Variants in NCKAP1L observed in about 807,000 individuals in gnomAD.
The protein encoded by NCKAP1L is NCK associated protein 1 like.
A neutral mutation model predicts 139.2 loss-of-function variants in NCKAP1L; 53 were observed. The ratio of observed to expected loss-of-function variants is 0.38; its 90% confidence interval spans 0.31 to 0.48. The LOEUF is 0.48. Ranked by LOEUF, NCKAP1L falls within the 20% of genes least tolerant of loss-of-function variation. The pLI is 0.98. For missense variants in NCKAP1L, 1,151 were observed against 1,381.9 expected, an observed-to-expected ratio of 0.83 and a Z score of 2.65; for synonymous variants, 468 against 499.7, an observed-to-expected ratio of 0.94 and a Z score of 0.85.
rs559012273 is a variant in NCKAP1L, at chr12:54,526,585, T to A, written c.2214T>A (p.Ser738=). The part of the protein sequence containing the change: ...NATTQEIVRP[S]ELLAGVKAYI... ...CGACCCAGGAGATCGTACGGCCTTC[T>A]GAGCTGTTGGCAGGAGTCAAAGCAT... The change falls in exon 21 of 31, where the codon TCT becomes TCA. Residue 738 remains serine (S), a synonymous_variant. Coordinates refer to ENST00000293373, the MANE Select transcript of NCKAP1L (RefSeq NM_005337.5). 2 of 1,614,168 alleles carry A rather than the reference T, an allele frequency of 1.2e-6. No homozygotes were observed. Among genetic ancestry groups the A allele is most frequent in the African/African-American group, 2.7e-5 (2 of 75,036 alleles).
chr12:54,508,605 G>C (rs1243798226), intron 5 of NCKAP1L, 74 bp downstream of exon 5: 41 of 1,430,996 alleles, frequency 2.9e-5, no homozygotes, highest in Non-Finnish European at 3.8e-5. Flanking sequence ...CTCATGCAAA[G>C]GAAATTGATG....
At chr12:54,540,206 C>T (rs923038896) in intron 30 of NCKAP1L, among the ~76,000 whole-genome samples, 4 of 152,292 alleles carry the variant, frequency 2.6e-5, no homozygotes, top group East Asian at 1.9e-4. Context: ...TATTCTTGTC[C>T]GAGGCCCAGA....
chr12:54,512,426 C>G (rs928370185), intron 9 of NCKAP1L: 5 of 236,860 alleles, frequency 2.1e-5, no homozygotes, highest in African/African-American at 1.1e-4. Flanking sequence ...ATTTCCTCAT[C>G]TATAAAATGT....
chr12:54,519,875 A>AT (rs79806874), intron 16 of NCKAP1L, among the ~76,000 whole-genome samples: 3,266 of 137,406 alleles, frequency 0.024, 78 homozygotes, highest in African/African-American at 0.063. Context: ...ACGTCTTCAG[A>AT]TTTTTTTTTT....
At chr12:54,502,405 T>C (rs1956805279) in intron 3 of NCKAP1L, among the ~76,000 whole-genome samples, 1 of 152,230 alleles carries the variant, frequency 6.6e-6, no homozygotes, top group Non-Finnish European at 1.5e-5. Context: ...CACAATATTT[T>C]ATACAAACCT....
Position 54,545,003 on chromosome 12 carries a change from A to G in NCKAP1L, c.*2318A>G, listed in dbSNP as rs1307968815. ...ACAGAGCGAGACTCTGTCTCAAAAA[A>G]TAAATAATAATTTAAAAAAAGATAC... On this transcript the variant is annotated 3_prime_UTR_variant, in exon 31 of 31. Coordinates refer to ENST00000293373, the MANE Select transcript of NCKAP1L (RefSeq NM_005337.5). The G allele has an allele frequency of 1.3e-5, 2 of 152,188 alleles. No homozygotes were observed. Among genetic ancestry groups the G allele is most frequent in the Non-Finnish European group, 2.9e-5 (2 of 68,048 alleles). 9.4% of individuals were successfully genotyped at this position (152,188 alleles called of 1,614,324 possible).
At position 54,541,397 on chromosome 12, in the gene NCKAP1L, C is replaced by T. The variant is rs569535167; in HGVS notation, c.3274-1178C>T. 8.5e-5 allele frequency among the ~76,000 whole-genome samples: 13 copies of T among 152,312 alleles called. No individual in the cohort carries two copies. In the South Asian group the frequency reaches 2.1e-3, roughly 24 times the overall value. On this transcript the variant is annotated intron_variant, in intron 30 of 30. Transcript: ENST00000293373. ...TTTATGGAGAATAGAAAGTCTTGGG[C>T]CAGTGGATTTGCTTGAAGTCATTAT...
chr12:54,521,073 C>T (rs568726624), intron 17 of NCKAP1L, 46 bp from the exon 18 acceptor site: 2 of 1,610,882 alleles, frequency 1.2e-6, no homozygotes, highest in South Asian at 2.2e-5. Context: ...GAAGAAGTGG[C>T]CGTGCTGGTG....
At position 54,523,424 on chromosome 12, in the gene NCKAP1L, A is replaced by C; in HGVS notation, c.1909A>C (p.Ser637Arg). 1.2e-6 allele frequency: 2 copies of C among 1,614,168 alleles called. No homozygotes were observed. Among genetic ancestry groups the C allele is most frequent in the Non-Finnish European group, 8.5e-7 (1 of 1,180,020 alleles). Residue 637 changes from serine (S) to arginine (R), a missense_variant, in exon 19 of 31, where the codon AGC becomes CGC. Physicochemically the swap from Ser to Arg is moderately radical, Grantham distance 110. Coordinates refer to ENST00000293373, the MANE Select transcript of NCKAP1L (RefSeq NM_005337.5). ...LLPKHCATTI[S>R]KAKNKKTRKQ... ...ACCTAAGCACTGTGCCACTACAATC[A>C]GCAAAGCCAAGAACAAGAAAACCAG... is the stretch of plus-strand genomic sequence containing the variant.
intron 25 of NCKAP1L, 80 bp downstream of exon 25, chr12:54,531,905 T>A: frequency 8.1e-7 from 1 of 1,231,946 alleles, no homozygotes; most frequent in Non-Finnish European, 1.2e-6. Flanking sequence ...TGTGGAAGTA[T>A]TGCGGGAATC....
rs1441221853 is a variant in NCKAP1L, at chr12:54,543,198, G to A, written c.*513G>A. 3 of 152,260 alleles carry A rather than the reference G, an allele frequency of 2.0e-5. No individual in the cohort carries two copies. The highest frequency in any genetic ancestry group is 4.4e-5 in the Non-Finnish European group (3 of 68,150). 9.4% of individuals were successfully genotyped at this position (152,260 alleles called of 1,614,324 possible). ...AATGTGTTCAGCAAACATTCAACCT[G>A]CTCCTACTGCAGAGTAGCAGCAAAG... On this transcript the variant is annotated 3_prime_UTR_variant, in exon 31 of 31. Coordinates refer to ENST00000293373, the MANE Select transcript of NCKAP1L (RefSeq NM_005337.5).
chr12:54,516,873 C>T (rs1956935785), intron 10 of NCKAP1L, 23 bp from the exon 11 acceptor site: 3 of 1,604,078 alleles, frequency 1.9e-6, no homozygotes, highest in Non-Finnish European at 8.5e-7. Context: ...AGGTGATAGT[C>T]ATGTTCCCCT....
intron 7 of NCKAP1L, among the ~76,000 whole-genome samples, chr12:54,511,085 G>A (rs963087505): frequency 1.3e-5 from 2 of 152,206 alleles, no homozygotes; most frequent in African/African-American, 4.8e-5. Flanking sequence ...TACATGATTA[G>A]TGATAAGTGC....
At chr12:54,504,847 A>G (rs974782208) in intron 3 of NCKAP1L, among the ~76,000 whole-genome samples, 1 of 152,218 alleles carries the variant, frequency 6.6e-6, no homozygotes, top group Non-Finnish European at 1.5e-5. Flanking sequence ...TAGTAAGGCA[A>G]TAGACCAACA....
At chr12:54,541,431 C>T (rs1180077077) in intron 30 of NCKAP1L, among the ~76,000 whole-genome samples, 1 of 152,178 alleles carries the variant, frequency 6.6e-6, no homozygotes, top group Non-Finnish European at 1.5e-5. Flanking sequence ...ATTCATTTCC[C>T]TGTACCTGAG....
chr12:54,531,882 T>C, intron 25 of NCKAP1L, 57 bp downstream of exon 25: 2 of 1,383,532 alleles, frequency 1.4e-6, no homozygotes, highest in African/African-American at 2.9e-5. Context: ...TGGGTAGGGT[T>C]TGTATGATAA....
In NCKAP1L at chr12:54,544,021, G is replaced by A. The variant is rs192881310; in HGVS notation, c.*1336G>A. 2.0e-5 allele frequency: 3 copies of A among 152,290 alleles called. No individual in the cohort carries two copies. The highest frequency in any genetic ancestry group is 3.9e-4 in the East Asian group (2 of 5,186). The allele number at this position is 152,290 out of a possible 1,614,324, so 9.4% of individuals were successfully genotyped here. On this transcript the variant is annotated 3_prime_UTR_variant, in exon 31 of 31. Coordinates refer to ENST00000293373, the MANE Select transcript of NCKAP1L (RefSeq NM_005337.5). ...AGCTGTTTTGGGGTTTTGTACATGT[G>A]TTTGCTTTTTATTTCTTGAGACCCA...
At chr12:54,501,890 C>T (rs1241284214) in intron 3 of NCKAP1L, among the ~76,000 whole-genome samples, 3 of 152,196 alleles carry the variant, frequency 2.0e-5, no homozygotes, top group African/African-American at 4.8e-5. Flanking sequence ...TCCACATCCT[C>T]GCCAACAATT....
chr12:54,521,101 G>T lies in NCKAP1L; in HGVS notation c.1759-18G>T, dbSNP rs758375195. On this transcript the variant is annotated intron_variant, in intron 17 of 30. Coordinates refer to ENST00000293373, the MANE Select transcript of NCKAP1L (RefSeq NM_005337.5). ...TGCTGGTGATGACAGTCTCTTCTTT[G>T]GTCCCTCTTTCCCATAGTACCCCCA... The T allele has an allele frequency of 1.9e-6, 3 of 1,613,712 alleles. No homozygotes were observed. The highest frequency in any genetic ancestry group is 2.5e-6 in the Non-Finnish European group (3 of 1,179,800).
Sources: gnomAD v4.1 joint callset for allele counts (sites outside exome capture counted in the v4.1 genomes callset) on GRCh38, gnomAD v4.1.1 for gene constraint, MANE v1.5 for transcripts, NCBI Gene and HGNC (gene_info 2026-07-23, HGNC 2026-07-21) for gene names.